The following XRCC4 variants were observed in gnomAD, a reference collection of about 807,000 sequenced individuals.
XRCC4 encodes the protein X-ray repair cross complementing 4, also known as DNA repair protein XRCC4.
In XRCC4, 28 loss-of-function variants were observed where a neutral mutation model predicts 39.1. The observed-to-expected ratio is 0.72, with a 90% confidence interval of 0.53 to 0.98. The LOEUF (loss-of-function observed/expected upper bound fraction) is 0.98. Among genes scored for constraint, XRCC4 ranks in the 50% least tolerant of loss-of-function variants. The probability of loss-of-function intolerance (pLI) is 0.00; values close to 1 mark genes in which losing one functional copy is unlikely to be tolerated. For synonymous variants in XRCC4, 123 were observed against 126.4 expected (o/e 0.97, Z 0.18); for missense variants, 350 against 376.4 (o/e 0.93, Z 0.58).
At chr5:83,348,476 G>A (rs1756985492) in intron 7 of XRCC4, among the ~76,000 whole-genome samples, 1 of 152,216 alleles carries the variant, frequency 6.6e-6, no homozygotes, top group Non-Finnish European at 1.5e-5. Flanking sequence ...AATGGCCCAA[G>A]CTGCATGTTG....
intron 7 of XRCC4, among the ~76,000 whole-genome samples, chr5:83,314,500 T>G (rs1425002841): frequency 6.6e-6 from 1 of 152,144 alleles, no homozygotes; most frequent in Non-Finnish European, 1.5e-5. Flanking sequence ...CATAATTCAT[T>G]TTATTGTGCT....
intron 3 of XRCC4, among the ~76,000 whole-genome samples, chr5:83,179,068 C>A (rs1196493491): frequency 6.6e-6 from 1 of 152,180 alleles, no homozygotes; most frequent in African/African-American, 2.4e-5. Context: ...CAGCACTTGG[C>A]ATTTCTCATA....
At chr5:83,282,606 G>A (rs1462332808) in intron 7 of XRCC4, among the ~76,000 whole-genome samples, 1 of 152,112 alleles carries the variant, frequency 6.6e-6, no homozygotes, top group Non-Finnish European at 1.5e-5. Context: ...CACTTTGGGA[G>A]GCCAAGGCAG....
In XRCC4 at chr5:83,283,754, T is replaced by A. The variant is rs562578891; in HGVS notation, c.893+25077T>A. On this transcript the variant is annotated intron_variant, in intron 7 of 7. Coordinates refer to ENST00000396027, the MANE Select transcript of XRCC4 (RefSeq NM_003401.5). ...CCTTCCTTCTCAGACATGAATGTAC[T>A]TGTGAAGCACTCTGTCTTGTATTTT... 5.9e-5 allele frequency among the ~76,000 whole-genome samples: 9 copies of A among 152,290 alleles called. 1 individual carries two copies. In the South Asian group the frequency reaches 1.9e-3, roughly 32 times the overall value.
intron 6 of XRCC4, among the ~76,000 whole-genome samples, chr5:83,205,259 T>A (rs1431808561): frequency 6.6e-6 from 1 of 152,116 alleles, no homozygotes; most frequent in East Asian, 1.9e-4. Context: ...CCTTTAACAT[T>A]TGAGATCTTA....
chr5:83,094,903 T>A (rs1355004885), intron 1 of XRCC4, among the ~76,000 whole-genome samples: 1 of 123,068 alleles, frequency 8.1e-6, no homozygotes, highest in Non-Finnish European at 1.8e-5. Context: ...TTTTTTTTTT[T>A]ACCATTTTAT....
At chr5:83,325,796 A>G (rs1229981016) in intron 7 of XRCC4, among the ~76,000 whole-genome samples, 1 of 152,014 alleles carries the variant, frequency 6.6e-6, no homozygotes, top group African/African-American at 2.4e-5. Flanking sequence ...TTATAATAGA[A>G]TTATTCTATT....
chr5:83,190,740 A>G (rs1750657790), intron 3 of XRCC4, among the ~76,000 whole-genome samples: 1 of 152,166 alleles, frequency 6.6e-6, no homozygotes, highest in South Asian at 2.1e-4. Flanking sequence ...TGCTTTACTG[A>G]TACTTTTATT....
At chr5:83,240,458 T>C (rs1752864571) in intron 6 of XRCC4, among the ~76,000 whole-genome samples, 1 of 152,160 alleles carries the variant, frequency 6.6e-6, no homozygotes, top group South Asian at 2.1e-4. Flanking sequence ...CTGAGAACTA[T>C]GTGGAGATAG....
intron 1 of XRCC4, among the ~76,000 whole-genome samples, chr5:83,098,016 C>CTG (rs1745758533): frequency 6.6e-6 from 1 of 151,692 alleles, no homozygotes; most frequent in Non-Finnish European, 1.5e-5. Context: ...TTAATACCCA[C>CTG]TTATAGTGTT....
intron 7 of XRCC4, among the ~76,000 whole-genome samples, chr5:83,325,069 T>G (rs1756204087): frequency 6.6e-6 from 1 of 152,042 alleles, no homozygotes; most frequent in Non-Finnish European, 1.5e-5. Context: ...GTCTCCTATT[T>G]TATTCCCTAG....
At chr5:83,163,703 A>G (rs1280615482) in intron 3 of XRCC4, among the ~76,000 whole-genome samples, 1 of 152,182 alleles carries the variant, frequency 6.6e-6, no homozygotes, top group East Asian at 1.9e-4. Context: ...ACTGATTCTT[A>G]AGTGGGCGGG....
chr5:83,315,400 C>T (rs1261999987), intron 7 of XRCC4, among the ~76,000 whole-genome samples: 1 of 152,164 alleles, frequency 6.6e-6, no homozygotes, highest in African/African-American at 2.4e-5. Context: ...GAAGATCTAG[C>T]TGAGATAATT....
chr5:83,285,660 T>C (rs1313669323), intron 7 of XRCC4, among the ~76,000 whole-genome samples: 2 of 152,172 alleles, frequency 1.3e-5, no homozygotes, highest in African/African-American at 4.8e-5. Context: ...AAAGATAAAC[T>C]GGCCATGGTG....
intron 1 of XRCC4, among the ~76,000 whole-genome samples, chr5:83,090,169 A>C (rs751709331): frequency 6.6e-6 from 1 of 152,124 alleles, no homozygotes; most frequent in Non-Finnish European, 1.5e-5. Flanking sequence ...CTCCTTCCTA[A>C]GCCTCCTGAT....
At chr5:83,263,002 AC>A (rs1046352226) in intron 7 of XRCC4, among the ~76,000 whole-genome samples, 1 of 53,824 alleles carries the variant, frequency 1.9e-5, no homozygotes, top group Admixed American at 2.9e-4. Flanking sequence ...CCCTCCCCCC[AC>A]CCCACCACAG....
At chr5:83,286,127 A>G (rs575156591) in intron 7 of XRCC4, among the ~76,000 whole-genome samples, 1 of 152,230 alleles carries the variant, frequency 6.6e-6, no homozygotes, top group East Asian at 1.9e-4. Flanking sequence ...ACTGAAATCT[A>G]AATGTGACTC....
the XRCC4 span, among the ~76,000 whole-genome samples, chr5:83,364,866 C>T: frequency 6.6e-6 from 1 of 152,192 alleles, no homozygotes; most frequent in African/African-American, 2.4e-5. Flanking sequence ...TGTACTCTTT[C>T]ATTTTACAAG....
intron 6 of XRCC4, among the ~76,000 whole-genome samples, chr5:83,249,422 C>T (rs938749579): frequency 6.6e-6 from 1 of 152,074 alleles, no homozygotes; most frequent in Non-Finnish European, 1.5e-5. Flanking sequence ...TCAAGGAATG[C>T]CTCCGAAATT....
Sources: allele counts gnomAD v4.1 joint callset (sites outside exome capture counted in the v4.1 genomes callset), GRCh38; gene constraint gnomAD v4.1.1; transcripts MANE v1.5; gene names NCBI Gene and HGNC (gene_info 2026-07-23, HGNC 2026-07-21).